The following ATG7 variants were observed in gnomAD, a reference collection of about 807,000 sequenced individuals.
ATG7 encodes ubiquitin-like modifier-activating enzyme ATG7.
Under a neutral mutation model 82.4 loss-of-function variants are expected in ATG7, and 70 were observed. The observed-to-expected ratio is 0.85, with a 90% CI of 0.70 to 1.04. The LOEUF (loss-of-function observed/expected upper bound fraction) is 1.04. Ranked by LOEUF, ATG7 falls within the 50% of genes least tolerant of loss-of-function variation. ATG7 has a pLI of 0.00. For synonymous variants in ATG7, 287 were observed against 313.0 expected (o/e 0.92, Z 0.88); for missense variants, 792 against 864.3 (o/e 0.92, Z 1.05).
chr3:11,281,889 T>C (rs1173927032), intron 2 of ATG7, among the ~76,000 whole-genome samples: 1 of 152,200 alleles, frequency 6.6e-6, no homozygotes, highest in African/African-American at 2.4e-5. Flanking sequence ...CTCAGGATTC[T>C]TTAAACATAC....
chr3:11,481,295 T>C (rs1280431278), intron 20 of ATG7, among the ~76,000 whole-genome samples: 3 of 152,228 alleles, frequency 2.0e-5, no homozygotes, highest in African/African-American at 7.2e-5. Flanking sequence ...ACTGTGCAGT[T>C]AAAAATGGTT....
intron 20 of ATG7, among the ~76,000 whole-genome samples, chr3:11,519,554 T>G (rs1262288779): frequency 1.1e-4 from 11 of 96,378 alleles, no homozygotes; most frequent in East Asian, 8.3e-4. Flanking sequence ...TTTTTTTTTT[T>G]TTTTTTTTTT....
At position 11,380,060 on chromosome 3, in the gene ATG7, A is replaced by G. The variant is rs1350170896; in HGVS notation, c.1956+8A>G. 6.2e-7 allele frequency: 1 copy of G among 1,612,184 alleles called. No homozygotes were observed. Among genetic ancestry groups the G allele is most frequent in the Non-Finnish European group, 8.5e-7 (1 of 1,178,214 alleles). ...ACAGCTTGTTCTTCCAAAGTAAGTC[A>G]TTTTGTATTGGAGGGACTTGTTTTT... On this transcript the variant is annotated splice_region_variant and intron_variant, in intron 19 of 20. Coordinates refer to ENST00000693202, the MANE Select transcript of ATG7 (RefSeq NM_001349232.2).
At position 11,542,729 on chromosome 3, in the gene ATG7, C is replaced by T. The variant is rs911906748; in HGVS notation, c.2080-12082C>T. ...GATGACAGTCCCCTGGGCATCCTCC[C>T]GGGCACCCCCTCCCGGGCGTCAGGT... On this transcript the variant is annotated intron_variant, in intron 20 of 20. Coordinates refer to ENST00000693202, the MANE Select transcript of ATG7 (RefSeq NM_001349232.2). Among the ~76,000 whole-genome samples, 6 of 152,344 alleles carry T rather than the reference C, an allele frequency of 3.9e-5. No homozygotes were observed. In the South Asian group the frequency reaches 1.0e-3, roughly 26 times the overall value.
chr3:11,556,115 C>T lies in ATG7; in HGVS notation c.*1272C>T, dbSNP rs939651062. ...TTGTTCTTAAGGCTACTTTTAAGTA[C>T]AAAAAAAGATGGCCTGCCAAACCTT... On this transcript the variant is annotated 3_prime_UTR_variant, in exon 21 of 21. Transcript: ENST00000693202. 3.3e-5 allele frequency: 5 copies of T among 152,376 alleles called. No homozygotes were observed. Among genetic ancestry groups the T allele is most frequent in the African/African-American group, 2.4e-5 (1 of 41,300 alleles). The allele number at this position is 152,376 out of a possible 1,614,324, so 9.4% of individuals were successfully genotyped here.
chr3:11,473,017 A>G (rs963728849), intron 20 of ATG7, among the ~76,000 whole-genome samples: 9 of 152,142 alleles, frequency 5.9e-5, no homozygotes, highest in African/African-American at 1.4e-4. Context: ...TAACTAATCA[A>G]TGATTTCTGA....
At chr3:11,564,026 G>A in the ATG7 span, among the ~76,000 whole-genome samples, 2 of 152,140 alleles carry the variant, frequency 1.3e-5, no homozygotes. Flanking sequence ...ACCCCCTCGG[G>A]GCACGGCACC....
intron 20 of ATG7, among the ~76,000 whole-genome samples, chr3:11,499,144 A>G (rs889825718): frequency 1.3e-5 from 2 of 152,224 alleles, no homozygotes; most frequent in African/African-American, 4.8e-5. Context: ...GAAAGAAAAT[A>G]TAATCATTTT....
At chr3:11,419,076 C>G (rs1351979268) in intron 19 of ATG7, among the ~76,000 whole-genome samples, 1 of 152,162 alleles carries the variant, frequency 6.6e-6, no homozygotes, top group East Asian at 1.9e-4. Flanking sequence ...GTGGTTTCTC[C>G]TGTGACCTCA....
At chr3:11,285,306 C>T (rs1943808845) in intron 3 of ATG7, among the ~76,000 whole-genome samples, 1 of 151,630 alleles carries the variant, frequency 6.6e-6, no homozygotes, top group South Asian at 2.1e-4. Context: ...CCCACCTCAG[C>T]CTCCCAAGTA....
chr3:11,551,700 G>A (rs187643593), intron 20 of ATG7, among the ~76,000 whole-genome samples: 1 of 152,098 alleles, frequency 6.6e-6, no homozygotes, highest in Non-Finnish European at 1.5e-5. Flanking sequence ...AAAGTGCTGG[G>A]ATTACAGGCA....
At chr3:11,353,261 G>T (rs1213479482) in intron 14 of ATG7, among the ~76,000 whole-genome samples, 1 of 152,064 alleles carries the variant, frequency 6.6e-6, no homozygotes, top group Non-Finnish European at 1.5e-5. Context: ...GGCCAACATG[G>T]TGAAACCCTG....
chr3:11,417,805 A>ATTTTTTTTTTTTTTTTTTTTTTT (rs200364263), intron 19 of ATG7, among the ~76,000 whole-genome samples: 3 of 52,740 alleles, frequency 5.7e-5, no homozygotes, highest in South Asian at 7.0e-4. Flanking sequence ...TTATTATTTT[A>ATTTTTTTTTTTTTTTTTTTTTTT]TTTTATTTTA....
intron 19 of ATG7, among the ~76,000 whole-genome samples, chr3:11,410,077 A>G (rs1256473694): frequency 1.3e-5 from 2 of 152,242 alleles, no homozygotes; most frequent in East Asian, 1.9e-4. Flanking sequence ...AAACTTTACA[A>G]TCAGCTTGTT....
chr3:11,429,432 G>T (rs1183462717), intron 20 of ATG7, among the ~76,000 whole-genome samples: 4 of 151,896 alleles, frequency 2.6e-5, no homozygotes, highest in African/African-American at 9.7e-5. Context: ...GGAAGCAAAG[G>T]TTGCAGTGAA....
chr3:11,407,437 A>G (rs1427986055), intron 19 of ATG7, among the ~76,000 whole-genome samples: 1 of 152,074 alleles, frequency 6.6e-6, no homozygotes, highest in African/African-American at 2.4e-5. Flanking sequence ...TTGTCAGTGG[A>G]TCTATCATTC....
At chr3:11,470,806 G>T (rs2087413706) in intron 20 of ATG7, among the ~76,000 whole-genome samples, 1 of 152,188 alleles carries the variant, frequency 6.6e-6, no homozygotes, top group Non-Finnish European at 1.5e-5. Flanking sequence ...TTTAGGCTGA[G>T]GAGAGAACAC....
chr3:11,357,449 A>G (rs1244562190), intron 14 of ATG7, among the ~76,000 whole-genome samples: 1 of 152,212 alleles, frequency 6.6e-6, no homozygotes, highest in Non-Finnish European at 1.5e-5. Context: ...ATCACCCACC[A>G]TAACTCCTGC....
chr3:11,363,800 T>TA (rs2152816655), intron 17 of ATG7, among the ~76,000 whole-genome samples: 1 of 152,372 alleles, frequency 6.6e-6, no homozygotes, highest in Non-Finnish European at 1.5e-5. Context: ...AGAAAGTCAA[T>TA]ATGCAAATTA....
Sources: gnomAD v4.1 joint callset for allele counts (sites outside exome capture counted in the v4.1 genomes callset) on GRCh38, gnomAD v4.1.1 for gene constraint, MANE v1.5 for transcripts, NCBI Gene and HGNC (gene_info 2026-07-23, HGNC 2026-07-21) for gene names.